The following CSPG4 variants were observed in gnomAD, a reference collection of about 807,000 sequenced individuals.
CSPG4 encodes chondroitin sulfate proteoglycan 4.
CSPG4 carries 74 observed loss-of-function variants against 139.3 expected under a neutral mutation model. The ratio of observed to expected loss-of-function variants is 0.53; its 90% CI spans 0.44 to 0.64. The LOEUF (loss-of-function observed/expected upper bound fraction) is 0.64. Ranked by LOEUF, CSPG4 falls within the 30% of genes least tolerant of loss-of-function variation. The pLI, the probability that CSPG4 is intolerant of heterozygous loss-of-function variation, is 0.00. For missense variants in CSPG4, 2,565 were observed against 3,148.3 expected, an observed-to-expected ratio of 0.81 and a Z score of 4.43; for synonymous variants, 1,234 against 1,394.2, an observed-to-expected ratio of 0.89 and a Z score of 2.56.
intron 1 of CSPG4, among the ~76,000 whole-genome samples, chr15:75,702,994 G>A (rs991393479): frequency 1.5e-5 from 2 of 136,442 alleles, no homozygotes; most frequent in African/African-American, 2.8e-5. Flanking sequence ...GACCTGGTGA[G>A]GGGAGCGGAA....
Position 75,688,344 on chromosome 15 carries a change from G to A in CSPG4, c.2721C>T (p.Leu907=), listed in dbSNP as rs146393812. The A allele has an allele frequency of 3.4e-5, 55 of 1,613,314 alleles. No homozygotes were observed. In the African/African-American group the frequency reaches 4.1e-4, roughly 12 times the overall value. Residue 907 remains leucine, a synonymous_variant, in exon 3 of 10, where the codon CTC becomes CTT. Transcript: ENST00000308508. ...PDAPVLTNVL[L]VVPEGGEGVL... is the part of the protein sequence containing the mutation. The stretch of plus-strand genomic sequence containing the variant: ...CACCCTCACCACCCTCAGGCACCAC[G>A]AGGAGGACATTGGTGAGGACAGGCG...
At position 75,690,092 on chromosome 15, in the gene CSPG4, C is replaced by T. The variant is rs756062229; in HGVS notation, c.973G>A (p.Gly325Arg). Reference sequence around the variant, plus strand: ...CGAGAGGCCTCTGCATCCAGCCCCCCGAGAAGGAGACTGCCCCGTGGCTCC... The same window carrying T: ...CGAGAGGCCTCTGCATCCAGCCCCCTGAGAAGGAGACTGCCCCGTGGCTCC... Reference protein sequence around the residue: ...YLEPRGSLLLGGLDAEASRHL... With the variant: ...YLEPRGSLLLRGLDAEASRHL... Residue 325 changes from glycine to arginine, a missense_variant, in exon 3 of 10, where the codon GGG becomes AGG. By Grantham distance (125) the Gly-to-Arg change is moderately radical. Around this residue, in one of 5 missense-constraint regions of CSPG4, gnomAD observed 2,316 missense variants for 2,818.2 expected, o/e 0.82. Transcript: ENST00000308508. 8.7e-6 allele frequency: 14 copies of T among 1,612,180 alleles called. No individual in the cohort carries two copies. The highest frequency in any genetic ancestry group is 2.7e-5 in the African/African-American group (2 of 74,904).
intron 1 of CSPG4, among the ~76,000 whole-genome samples, chr15:75,704,863 T>C (rs541796728): frequency 6.6e-6 from 1 of 152,286 alleles, no homozygotes; most frequent in South Asian, 2.1e-4. Context: ...TGAGTGGTGG[T>C]AACAGCCCCA....
At chr15:75,706,604 C>T (rs1322669400) in intron 1 of CSPG4, among the ~76,000 whole-genome samples, 1 of 152,082 alleles carries the variant, frequency 6.6e-6, no homozygotes, top group African/African-American at 2.4e-5. Flanking sequence ...GGTCATGGGT[C>T]TCAGAGCAAT....
intron 1 of CSPG4, among the ~76,000 whole-genome samples, chr15:75,707,370 T>C (rs1485409227): frequency 6.6e-6 from 1 of 152,232 alleles, no homozygotes; most frequent in East Asian, 1.9e-4. Context: ...ATAAATCAAT[T>C]TCATGTTTAG....
chr15:75,693,063 C>T lies in CSPG4; in HGVS notation c.252+7G>A. On this transcript the variant is annotated splice_region_variant and intron_variant, in intron 2 of 9. Transcript: ENST00000308508. ...TCCCGCCCAGATCTCAGGGGGACGT[C>T]ACTCACCTGCAGGCGTCCAGAGTAG... 1 of 1,388,892 alleles carries T rather than the reference C, an allele frequency of 7.2e-7. No individual in the cohort carries two copies. 86.0% of individuals were successfully genotyped at this position (1,388,892 alleles called of 1,614,324 possible). A position where few individuals can be genotyped will look rare whatever the true frequency, so the allele number is the denominator to read the frequency against.
Position 75,690,629 on chromosome 15 carries a change from G to A in CSPG4, c.436C>T (p.Leu146Phe). The A allele has an allele frequency of 6.2e-7, 1 of 1,611,398 alleles. No individual in the cohort carries two copies. The highest frequency in any genetic ancestry group is 8.5e-7 in the Non-Finnish European group (1 of 1,179,804). Residue 146 changes from leucine to phenylalanine, a missense_variant, in exon 3 of 10, where the codon CTC becomes TTC. By Grantham distance (22) the Leu-to-Phe change is conservative. Around this residue, in one of 5 missense-constraint regions of CSPG4, gnomAD observed 132 missense variants for 132.3 expected, o/e 1.00. Transcript: ENST00000308508. ...PGAPLEVPYG[L>F]FVGGTGTLGL... ...AGGGTCCCAGTGCCCCCAACAAAGAGCCCATAGGGGACCTCTAGGGGGGCT... is the reference window on the plus strand; with the variant it reads ...AGGGTCCCAGTGCCCCCAACAAAGAACCCATAGGGGACCTCTAGGGGGGCT...
rs542358263 is a variant in CSPG4, at chr15:75,692,993, C to A, written c.252+77G>T. 653 of 682,556 alleles carry A rather than the reference C, an allele frequency of 9.6e-4. 2 individuals carry two copies. Among genetic ancestry groups the A allele is most frequent in the African/African-American group, 9.5e-3 (542 of 56,842 alleles). The allele number at this position is 682,556 out of a possible 1,614,324, so 42.3% of individuals were successfully genotyped here. A position where few individuals can be genotyped will look rare whatever the true frequency, so the allele number is the denominator to read the frequency against. On this transcript the variant is annotated intron_variant, in intron 2 of 9. Transcript: ENST00000308508. Reference sequence around the variant, plus strand: ...AAGTGACTTACACAAGGTCACACAGCCAGCTGGGGTTCACTCAAAGCTAGA... The same window carrying A: ...AAGTGACTTACACAAGGTCACACAGACAGCTGGGGTTCACTCAAAGCTAGA...
upstream of CSPG4, chr15:75,712,989 T>C (rs779059202): frequency 2.5e-4 from 126 of 509,740 alleles, no homozygotes; most frequent in Middle Eastern, 2.0e-3. Context: ...GGGCTGTTCC[T>C]CTCTGGGGCA....
At chr15:75,681,353 C>CCAGCAAGG (rs57212485) in intron 8 of CSPG4, among the ~76,000 whole-genome samples, 76,837 of 151,832 alleles carry the variant, frequency 0.51, 19,853 homozygotes, top group Middle Eastern at 0.61. Flanking sequence ...GAGTCCCTGC[C>CCAGCAAGG]GAGCTAGGAA....
rs1596009920 is a variant in CSPG4, at chr15:75,690,543, G to C, written c.522C>G (p.Thr174=). Residue 174 remains threonine (T), a synonymous_variant, in exon 3 of 10, where the codon ACC becomes ACG. Transcript: ENST00000308508. The part of the protein sequence containing the change: ...RPLRGCLHAA[T]LNGRSLLRPL... ...GCCGGAGGAGGCTGCGGCCATTGAGGGTGGCTGCATGGAGGCAACCCCTCA... is the reference window on the plus strand; with the variant it reads ...GCCGGAGGAGGCTGCGGCCATTGAGCGTGGCTGCATGGAGGCAACCCCTCA... 1.9e-6 allele frequency: 3 copies of C among 1,609,570 alleles called. No homozygotes were observed. The East Asian group carries it at 6.7e-5, about 36-fold the overall frequency.
At chr15:75,693,576 GTGGGTC>G (rs925065396) in intron 1 of CSPG4, among the ~76,000 whole-genome samples, 7 of 152,218 alleles carry the variant, frequency 4.6e-5, no homozygotes, top group African/African-American at 1.7e-4. Context: ...AGTCTCCCTC[GTGGGTC>G]TGGCTCCTGG....
chr15:75,681,586 A>G (rs937742781), intron 8 of CSPG4, among the ~76,000 whole-genome samples: 1 of 152,204 alleles, frequency 6.6e-6, no homozygotes, highest in Non-Finnish European at 1.5e-5. Context: ...GGGATGGCCC[A>G]TGGAAGAGTC....
At position 75,688,374 on chromosome 15, in the gene CSPG4, T is replaced by C. The variant is rs981906177; in HGVS notation, c.2691A>G (p.Pro897=). The C allele has an allele frequency of 1.9e-6, 3 of 1,613,354 alleles. No homozygotes were observed. In the African/African-American group the frequency reaches 4.0e-5, roughly 21 times the overall value. Residue 897 remains proline, a synonymous_variant, in exon 3 of 10, where the codon CCA becomes CCG. Transcript: ENST00000308508. ...YTFPIHIGGD[P]DAPVLTNVLL... is the part of the protein sequence containing the mutation. Reference sequence around the variant, plus strand: ...GGACATTGGTGAGGACAGGCGCATCTGGGTCACCACCAATGTGGATGGGGA... The same window carrying C: ...GGACATTGGTGAGGACAGGCGCATCCGGGTCACCACCAATGTGGATGGGGA...
chr15:75,688,205 T>C lies in CSPG4; in HGVS notation c.2860A>G (p.Thr954Ala). 1 of 1,612,848 alleles carries C rather than the reference T, an allele frequency of 6.2e-7. No individual in the cohort carries two copies. Among genetic ancestry groups the C allele is most frequent in the Non-Finnish European group, 8.5e-7 (1 of 1,179,866 alleles). The change falls in exon 3 of 10, where the codon ACC becomes GCC. Residue 954 changes from threonine to alanine, a missense_variant. Physicochemically the swap from Thr to Ala is moderately conservative, Grantham distance 58. Around this residue, in one of 5 missense-constraint regions of CSPG4, gnomAD observed 2,316 missense variants for 2,818.2 expected, o/e 0.82. Coordinates refer to ENST00000308508, the MANE Select transcript of CSPG4 (RefSeq NM_001897.5). Reference protein sequence around the residue: ...RLAWRGTQDKTTMVTSFTNED... With the variant: ...RLAWRGTQDKATMVTSFTNED... ...TTGGTGAAGGATGTCACCATAGTGG[T>C]CTTGTCCTGTGTCCCACGCCAAGCC...
chr15:75,707,581 G>A (rs144513045), intron 1 of CSPG4, among the ~76,000 whole-genome samples: 2,188 of 152,350 alleles, frequency 0.014, 18 homozygotes, highest in South Asian at 0.033. Context: ...CCTGCTGTGA[G>A]GAAGCTGGGA....
chr15:75,705,594 A>C (rs1894358992), intron 1 of CSPG4, among the ~76,000 whole-genome samples: 1 of 152,242 alleles, frequency 6.6e-6, no homozygotes, highest in African/African-American at 2.4e-5. Flanking sequence ...TCACTTGCCC[A>C]AGGTCATGCA....
rs1009854968 is a variant in CSPG4 at position 75,677,426 on chromosome 15, G to A, written c.5135-42C>T. ...GGCTATGAGGGTCCAGCCCACTGAG[G>A]GGAGAGTGATGGACCCTCAGCTGGG... is the stretch of plus-strand genomic sequence containing the variant. On this transcript the variant is annotated intron_variant, in intron 9 of 9. Coordinates refer to ENST00000308508, the MANE Select transcript of CSPG4 (RefSeq NM_001897.5). The A allele has an allele frequency of 5.0e-6, 7 of 1,405,858 alleles. No homozygotes were observed. The South Asian group carries it at 1.2e-4, about 24-fold the overall frequency. 87.1% of individuals were successfully genotyped at this position (1,405,858 alleles called of 1,614,324 possible). A position where few individuals can be genotyped will look rare whatever the true frequency, so the allele number is the denominator to read the frequency against.
chr15:75,701,961 TCTC>T (rs992399348), intron 1 of CSPG4, among the ~76,000 whole-genome samples: 2 of 151,870 alleles, frequency 1.3e-5, no homozygotes, highest in Non-Finnish European at 2.9e-5. Flanking sequence ...GTCCCCAAAT[TCTC>T]CTTCAACTTC....
Sources: gnomAD v4.1 joint callset for allele counts (sites outside exome capture counted in the v4.1 genomes callset) on GRCh38, gnomAD v4.1.1 for gene constraint, gnomAD v4.1.1 regional missense constraint, MANE v1.5 for transcripts, NCBI Gene and HGNC (gene_info 2026-07-23, HGNC 2026-07-21) for gene names.